The following PAQR5 variants were observed in gnomAD, a reference collection of about 807,000 sequenced individuals.
The protein encoded by PAQR5 is progestin and adipoQ receptor family member 5, also known as membrane progestin receptor gamma.
Under a neutral mutation model 34.5 loss-of-function variants are expected in PAQR5, and 20 were observed. The ratio of observed to expected loss-of-function variants is 0.58; its 90% CI spans 0.41 to 0.84. The LOEUF (loss-of-function observed/expected upper bound fraction) is 0.84. Ranked by LOEUF, PAQR5 falls within the 40% of genes least tolerant of loss-of-function variation. The pLI is 0.00. For synonymous variants in PAQR5, 131 were observed against 155.6 expected, an observed-to-expected ratio of 0.84 and a Z score of 1.18; for missense variants, 378 against 412.7, an observed-to-expected ratio of 0.92 and a Z score of 0.73.
In PAQR5 at chr15:69,342,637, G is replaced by A. The variant is rs573399683; in HGVS notation, c.-116+5136G>A. ...CCCCCAGGGTGCTATTCAGTCCTTG[G>A]AGGTGGTGAGGACTGCTGGGGCCTT... On this transcript the variant is annotated intron_variant, in intron 2 of 8. Coordinates refer to ENST00000395407, the MANE Select transcript of PAQR5 (RefSeq NM_017705.4). Among the ~76,000 whole-genome samples the A allele has an allele frequency of 5.3e-5, 8 of 152,278 alleles. No individual in the cohort carries two copies. The East Asian group carries it at 1.5e-3, about 29-fold the overall frequency.
chr15:69,380,141 C>A, intron 4 of PAQR5, 131 bp downstream of exon 4: 2 of 942,950 alleles, frequency 2.1e-6, no homozygotes, highest in Non-Finnish European at 3.3e-6. Context: ...TGGGTACACG[C>A]GGGTGAAGGG....
intron 2 of PAQR5, among the ~76,000 whole-genome samples, chr15:69,356,351 C>T (rs1352677979): frequency 1.3e-5 from 2 of 152,184 alleles, no homozygotes; most frequent in Non-Finnish European, 2.9e-5. Flanking sequence ...GGCTCATTTA[C>T]ATCAGTACTG....
rs569368284 is a variant in PAQR5 at position 69,350,503 on chromosome 15, T to A, written c.-115-9463T>A. Among the ~76,000 whole-genome samples the A allele has an allele frequency of 6.6e-5, 10 of 152,006 alleles. No individual in the cohort carries two copies. The South Asian group carries it at 2.1e-3, about 32-fold the overall frequency. ...GCTAAAAATACAAAATTTAGCCAGG[T>A]GTGATGGCGCACACCTGTAGTCCCA... On this transcript the variant is annotated intron_variant, in intron 2 of 8. Coordinates refer to ENST00000395407, the MANE Select transcript of PAQR5 (RefSeq NM_017705.4).
Position 69,389,790 on chromosome 15 carries a change from G to A in PAQR5, c.512+10G>A, listed in dbSNP as rs202000460. ...TCTCCTGCTACTCCAGGTACTGGTC[G>A]CTCTGACCTCAGATGGGAGGGGAGG... On this transcript the variant is annotated intron_variant, in intron 6 of 8. Coordinates refer to ENST00000395407, the MANE Select transcript of PAQR5 (RefSeq NM_017705.4). 103 of 1,613,664 alleles carry A rather than the reference G, an allele frequency of 6.4e-5. No homozygotes were observed. The highest frequency in any genetic ancestry group is 4.9e-4 in the Middle Eastern group (3 of 6,082).
chr15:69,382,762 GTATATATATGTGACCATATATATA>G (rs2140927107), intron 4 of PAQR5: 3 of 119,236 alleles, frequency 2.5e-5, no homozygotes, highest in African/African-American at 9.9e-5. Flanking sequence ...ATATATATGT[GTATATATATGTGACCATATATATA>G]TATATATATA....
chr15:69,326,480 G>A (rs574815645), intron 1 of PAQR5, among the ~76,000 whole-genome samples: 2 of 147,402 alleles, frequency 1.4e-5, no homozygotes, highest in Non-Finnish European at 3.0e-5. Context: ...CTGTTGCACA[G>A]TCTGGAGTGC....
chr15:69,370,074 C>A (rs894671413), intron 3 of PAQR5, among the ~76,000 whole-genome samples: 17 of 152,182 alleles, frequency 1.1e-4, no homozygotes, highest in African/African-American at 4.1e-4. Context: ...TCAGAAAGAT[C>A]CTTCATAACA....
chr15:69,342,291 A>T (rs375622421), intron 2 of PAQR5, among the ~76,000 whole-genome samples: 1 of 9,900 alleles, frequency 1.0e-4, no homozygotes, highest in African/African-American at 1.9e-4. Flanking sequence ...TATTATTATT[A>T]TTATTATTAT....
At chr15:69,306,516 A>G (rs1199566036) in intron 1 of PAQR5, among the ~76,000 whole-genome samples, 1 of 151,012 alleles carries the variant, frequency 6.6e-6, no homozygotes, top group African/African-American at 2.4e-5. Flanking sequence ...GGTTCAAGCA[A>G]TTCTCCTGCC....
chr15:69,327,156 T>TTTATTATTA (rs113422954), intron 1 of PAQR5, among the ~76,000 whole-genome samples: 1,786 of 151,514 alleles, frequency 0.012, 31 homozygotes, highest in African/African-American at 0.03. Flanking sequence ...GGCTAATTTC[T>TTTATTATTA]TTATTATTAT....
At chr15:69,352,916 T>C (rs1406520518) in intron 2 of PAQR5, among the ~76,000 whole-genome samples, 1 of 152,226 alleles carries the variant, frequency 6.6e-6, no homozygotes, top group Non-Finnish European at 1.5e-5. Context: ...AAGATATTTG[T>C]GTCTCATGTT....
At chr15:69,324,898 CT>C (rs11355683) in intron 1 of PAQR5, among the ~76,000 whole-genome samples, 63,130 of 136,590 alleles carry the variant, frequency 0.46, 16,849 homozygotes, top group Middle Eastern at 0.61. Context: ...AGTTTCATTT[CT>C]TTTTTTTTTT....
At chr15:69,346,368 C>G (rs576905188) in intron 2 of PAQR5, among the ~76,000 whole-genome samples, 31 of 114,720 alleles carry the variant, frequency 2.7e-4, no homozygotes, top group African/African-American at 9.4e-4. Flanking sequence ...TGCAGTGATA[C>G]AATAATAGCT....
At chr15:69,375,734 A>G (rs79680250) in intron 3 of PAQR5, among the ~76,000 whole-genome samples, 3,675 of 152,204 alleles carry the variant, frequency 0.024, 160 homozygotes, top group African/African-American at 0.083. Context: ...CTGTGAAATG[A>G]GACAATAAAA....
At position 69,328,839 on chromosome 15, in the gene PAQR5, G is replaced by T. The variant is rs138800360; in HGVS notation, c.-276-8502G>T. Among the ~76,000 whole-genome samples, 1,412 of 152,332 alleles carry T rather than the reference G, an allele frequency of 9.3e-3. 16 individuals carry two copies. Among genetic ancestry groups the T allele is most frequent in the Non-Finnish European group, 0.011 (753 of 68,028 alleles). The stretch of plus-strand genomic sequence containing the variant: ...GGTGCGGACTTTACCCAAGTCAGAG[G>T]GCAAGGCCAGTGCAGCCTGCAGAGC... On this transcript the variant is annotated intron_variant, in intron 1 of 8. Transcript: ENST00000395407.
chr15:69,348,542 G>A lies in PAQR5; in HGVS notation c.-116+11041G>A, dbSNP rs190047183. 1.8e-4 allele frequency among the ~76,000 whole-genome samples: 27 copies of A among 152,302 alleles called. No individual in the cohort carries two copies. The East Asian group carries it at 5.0e-3, about 28-fold the overall frequency. ...CATAGGTTTGGTTCAGAGTAGGGGA[G>A]AGATTCCCTGCTTCTCAGGGTTTGC... On this transcript the variant is annotated intron_variant, in intron 2 of 8. Transcript: ENST00000395407.
intron 3 of PAQR5, among the ~76,000 whole-genome samples, chr15:69,372,940 G>A (rs2055603717): frequency 6.6e-6 from 1 of 152,184 alleles, no homozygotes; most frequent in African/African-American, 2.4e-5. Context: ...CAGTCCTGTA[G>A]GTTACAAGTC....
At chr15:69,350,241 A>T (rs1340146777) in intron 2 of PAQR5, among the ~76,000 whole-genome samples, 1 of 152,236 alleles carries the variant, frequency 6.6e-6, no homozygotes, top group East Asian at 1.9e-4. Flanking sequence ...TCTCGTGCAG[A>T]TCTATGGCAT....
rs140448357 is a variant in PAQR5 at position 69,384,380 on chromosome 15, G to A, written c.180-297G>A. Among the ~76,000 whole-genome samples the A allele has an allele frequency of 5.4e-3, 718 of 132,298 alleles. 33 individuals carry two copies. Among genetic ancestry groups the A allele is most frequent in the African/African-American group, 0.021 (672 of 32,744 alleles). The allele number at this position is 132,298 out of a possible 152,430, so 86.8% of individuals were successfully genotyped here. A position where few individuals can be genotyped will look rare whatever the true frequency, so the allele number is the denominator to read the frequency against. On this transcript the variant is annotated intron_variant, in intron 4 of 8. Transcript: ENST00000395407. ...TCCGTGTTCATGGTGGAGGGTGAGC[G>A]GGTCCTCCGTGTTCATGGTGGAGGG... is the stretch of plus-strand genomic sequence containing the variant.
Sources: gnomAD v4.1 joint callset for allele counts (sites outside exome capture counted in the v4.1 genomes callset) on GRCh38, gnomAD v4.1.1 for gene constraint, MANE v1.5 for transcripts, NCBI Gene and HGNC (gene_info 2026-07-23, HGNC 2026-07-21) for gene names.